L3MBTL4: variants seen among roughly 807,000 people sequenced by gnomAD.
L3MBTL4 encodes the protein L3MBTL histone methyl-lysine binding protein 4.
In L3MBTL4, 70 loss-of-function variants were observed where a neutral mutation model predicts 84.5. The observed-to-expected ratio is 0.83, with a 90% CI of 0.68 to 1.01. The LOEUF is 1.01. Ranked by LOEUF, L3MBTL4 falls within the 50% of genes least tolerant of loss-of-function variation. L3MBTL4 has a pLI of 0.00. For missense variants in L3MBTL4, 715 were observed against 754.8 expected (o/e 0.95, Z 0.62); for synonymous variants, 274 against 259.8 (o/e 1.05, Z -0.52).
chr18:5,970,103 T>A (rs2052566903), intron 16 of L3MBTL4, among the ~76,000 whole-genome samples: 2 of 152,224 alleles, frequency 1.3e-5, no homozygotes, highest in African/African-American at 4.8e-5. Flanking sequence ...CATGAGAAGC[T>A]GGGTGATATC....
chr18:6,169,016 A>G (rs2043827024), intron 13 of L3MBTL4, among the ~76,000 whole-genome samples: 1 of 152,230 alleles, frequency 6.6e-6, no homozygotes, highest in Non-Finnish European at 1.5e-5. Flanking sequence ...AAAGTGGGCA[A>G]AGAATATGAA....
At chr18:6,410,425 G>A (rs547641396) in intron 1 of L3MBTL4, among the ~76,000 whole-genome samples, 3 of 152,228 alleles carry the variant, frequency 2.0e-5, no homozygotes, top group South Asian at 2.1e-4. Context: ...GAAGGCAAGC[G>A]TCATGTCGGC....
At chr18:6,383,927 A>T (rs2054707284) in intron 1 of L3MBTL4, among the ~76,000 whole-genome samples, 2 of 152,200 alleles carry the variant, frequency 1.3e-5, no homozygotes, top group South Asian at 2.1e-4. Flanking sequence ...AGATATTACC[A>T]ATTGCCTTCA....
chr18:6,144,931 C>T (rs943220140), intron 13 of L3MBTL4, among the ~76,000 whole-genome samples: 4 of 152,196 alleles, frequency 2.6e-5, no homozygotes, highest in African/African-American at 9.7e-5. Context: ...GCCCACAACA[C>T]TGCCATCCTT....
intron 3 of L3MBTL4, among the ~76,000 whole-genome samples, chr18:6,303,113 A>G (rs566792972): frequency 3.9e-5 from 6 of 152,234 alleles, no homozygotes; most frequent in South Asian, 2.1e-4. Context: ...TAAATATACA[A>G]TAGTTTTTTG....
At chr18:6,403,091 G>A (rs999722581) in intron 1 of L3MBTL4, among the ~76,000 whole-genome samples, 6 of 152,160 alleles carry the variant, frequency 3.9e-5, no homozygotes, top group Non-Finnish European at 5.9e-5. Context: ...CCCATATGTG[G>A]GACAGTTCTT....
At chr18:6,009,105 T>A (rs961206680) in intron 16 of L3MBTL4, among the ~76,000 whole-genome samples, 4 of 152,146 alleles carry the variant, frequency 2.6e-5, no homozygotes, top group African/African-American at 9.7e-5. Flanking sequence ...AGAATGACCT[T>A]GGCTAGGGGT....
At position 5,963,280 on chromosome 18, in the gene L3MBTL4, T is replaced by G. The variant is rs146228571; in HGVS notation, c.1615-3124A>C. ...GCAAGTTGCTTTGATGATTTGCCTA[T>G]GTTAAACTGTCCTTTTCTGGGCAAA... On this transcript the variant is annotated intron_variant, in intron 17 of 18. Coordinates refer to ENST00000317931, the MANE Select transcript of L3MBTL4 (RefSeq NM_001330559.2). Among the ~76,000 whole-genome samples the G allele has an allele frequency of 9.7e-3, 1,485 of 152,356 alleles. 14 individuals carry two copies. Among genetic ancestry groups the G allele is most frequent in the Middle Eastern group, 0.034 (10 of 294 alleles).
At chr18:5,982,648 C>T (rs2053287419) in intron 16 of L3MBTL4, among the ~76,000 whole-genome samples, 1 of 152,146 alleles carries the variant, frequency 6.6e-6, no homozygotes, top group Admixed American at 6.6e-5. Flanking sequence ...TAAATTAGTT[C>T]ATTTCAGATG....
intron 16 of L3MBTL4, among the ~76,000 whole-genome samples, chr18:6,067,811 G>C (rs1227580950): frequency 6.6e-6 from 1 of 152,072 alleles, no homozygotes; most frequent in East Asian, 1.9e-4. Context: ...ATCTTGGTTT[G>C]GATCCATTGC....
chr18:6,092,120 AT>A (rs1178040995), intron 15 of L3MBTL4, among the ~76,000 whole-genome samples: 1 of 152,250 alleles, frequency 6.6e-6, no homozygotes, highest in African/African-American at 2.4e-5. Flanking sequence ...AAGCATGTGT[AT>A]CCATAGGAAA....
chr18:6,021,563 G>A (rs1435998242), intron 16 of L3MBTL4, among the ~76,000 whole-genome samples: 1 of 152,168 alleles, frequency 6.6e-6, no homozygotes, highest in African/African-American at 2.4e-5. Context: ...GCTCCCCAGT[G>A]GGGCAACTGC....
intron 13 of L3MBTL4, among the ~76,000 whole-genome samples, chr18:6,143,967 G>C (rs940375476): frequency 2.6e-5 from 4 of 152,122 alleles, no homozygotes; most frequent in African/African-American, 9.7e-5. Context: ...GGAGGCCAAG[G>C]GTGGCGGATC....
chr18:6,080,756 T>C, intron 16 of L3MBTL4, 125 bp downstream of exon 16: 1 of 657,812 alleles, frequency 1.5e-6, no homozygotes, highest in Non-Finnish European at 2.5e-6. Context: ...CAAGTCTCTT[T>C]TGACTTCTAG....
At chr18:5,993,276 T>C (rs1454383000) in intron 16 of L3MBTL4, among the ~76,000 whole-genome samples, 2 of 152,174 alleles carry the variant, frequency 1.3e-5, no homozygotes, top group African/African-American at 4.8e-5. Context: ...TCCAAAGAAA[T>C]AACCCTTTCT....
intron 5 of L3MBTL4, among the ~76,000 whole-genome samples, chr18:6,261,559 C>A (rs966145946): frequency 7.2e-5 from 11 of 152,188 alleles, no homozygotes; most frequent in Admixed American, 5.9e-4. Flanking sequence ...TTACTGCCTT[C>A]CAGCACCTCT....
chr18:6,169,334 T>C (rs2043846819), intron 13 of L3MBTL4, among the ~76,000 whole-genome samples: 1 of 152,222 alleles, frequency 6.6e-6, no homozygotes, highest in Non-Finnish European at 1.5e-5. Context: ...ACTGGGTATA[T>C]ACTCAAAGAA....
At chr18:6,342,914 C>T (rs919317708) in intron 1 of L3MBTL4, among the ~76,000 whole-genome samples, 8 of 151,278 alleles carry the variant, frequency 5.3e-5, no homozygotes, top group African/African-American at 1.2e-4. Flanking sequence ...AAATAGTAAC[C>T]GAAGGAGAGC....
intron 16 of L3MBTL4, among the ~76,000 whole-genome samples, chr18:6,078,379 G>A (rs7238934): frequency 0.63 from 89,029 of 141,226 alleles, 29,866 homozygotes; most frequent in African/African-American, 0.88. Flanking sequence ...GTGAGCCAAG[G>A]TCGCGCCACT....
Sources: gnomAD v4.1 joint callset for allele counts (sites outside exome capture counted in the v4.1 genomes callset) on GRCh38, gnomAD v4.1.1 for gene constraint, MANE v1.5 for transcripts, NCBI Gene and HGNC (gene_info 2026-07-23, HGNC 2026-07-21) for gene names.